Variants in PREP observed in about 807,000 individuals in gnomAD.
PREP encodes prolyl endopeptidase.
A neutral mutation model predicts 87.6 loss-of-function variants in PREP; 29 were observed. The observed-to-expected ratio is 0.33, with a 90% CI of 0.25 to 0.45. The LOEUF (loss-of-function observed/expected upper bound fraction) is 0.45. Among genes scored for constraint, PREP ranks in the 20% least tolerant of loss-of-function variants. The probability of loss-of-function intolerance (pLI) is 1.00; values close to 1 mark genes in which losing one functional copy is unlikely to be tolerated. For synonymous variants in PREP, 337 were observed against 328.6 expected (o/e 1.03, Z -0.28); for missense variants, 695 against 886.5 (o/e 0.78, Z 2.74).
intron 10 of PREP, chr6:105,298,676 T>C (rs544759616): frequency 1.3e-5 from 2 of 154,204 alleles, no homozygotes; most frequent in East Asian, 3.8e-4. Flanking sequence ...GGACATCTAG[T>C]CCACAGGGAG....
chr6:105,359,819 T>C (rs1300789082), intron 6 of PREP, among the ~76,000 whole-genome samples: 1 of 152,192 alleles, frequency 6.6e-6, no homozygotes, highest in Non-Finnish European at 1.5e-5. Context: ...AGGGCTCACC[T>C]AGCTTGAGGG....
intron 7 of PREP, among the ~76,000 whole-genome samples, chr6:105,345,961 C>T (rs966914866): frequency 1.3e-5 from 2 of 152,036 alleles, no homozygotes; most frequent in Non-Finnish European, 2.9e-5. Context: ...AAAAGTAAAC[C>T]GAACATTTTA....
intron 7 of PREP, among the ~76,000 whole-genome samples, chr6:105,346,155 G>C (rs886500484): frequency 6.7e-5 from 10 of 150,268 alleles, no homozygotes; most frequent in Non-Finnish European, 1.2e-4. Flanking sequence ...TCCTCAGAGA[G>C]GTTTGCTTTT....
intron 11 of PREP, among the ~76,000 whole-genome samples, chr6:105,287,933 G>A (rs3800001): frequency 0.063 from 9,664 of 152,262 alleles, 427 homozygotes; most frequent in Admixed American, 0.12. Flanking sequence ...CTCCCTGAAC[G>A]TAATTATCTG....
intron 10 of PREP, chr6:105,323,149 A>G (rs1331812182): frequency 7.8e-7 from 1 of 1,288,616 alleles, no homozygotes; most frequent in South Asian, 1.2e-5. Flanking sequence ...ACCTGAAAAG[A>G]TGGTGGCCAA....
At chr6:105,283,259 C>T (rs1212161510) in intron 12 of PREP, among the ~76,000 whole-genome samples, 3 of 152,342 alleles carry the variant, frequency 2.0e-5, no homozygotes, top group East Asian at 1.9e-4. Flanking sequence ...CCCAGAGAAT[C>T]TGGGCTTTAT....
At chr6:105,360,786 G>A (rs1245663372) in intron 6 of PREP, among the ~76,000 whole-genome samples, 1 of 152,176 alleles carries the variant, frequency 6.6e-6, no homozygotes, top group Non-Finnish European at 1.5e-5. Context: ...AGGGAATCTA[G>A]TCCCAAATAA....
chr6:105,282,838 C>G (rs2114611436), intron 12 of PREP, among the ~76,000 whole-genome samples: 1 of 152,228 alleles, frequency 6.6e-6, no homozygotes, highest in East Asian at 1.9e-4. Context: ...CGGGAAATGC[C>G]CCAAAGGGAA....
intron 10 of PREP, among the ~76,000 whole-genome samples, chr6:105,300,280 A>G (rs748525387): frequency 3.3e-5 from 5 of 152,168 alleles, no homozygotes; most frequent in Non-Finnish European, 5.9e-5. Flanking sequence ...TGCTGTTACT[A>G]TTTTAGCAAA....
chr6:105,332,929 C>A (rs556031719), intron 8 of PREP, among the ~76,000 whole-genome samples: 122 of 152,222 alleles, frequency 8.0e-4, no homozygotes, highest in African/African-American at 2.8e-3. Context: ...AGGGATAATG[C>A]AAATAGCCAA....
intron 6 of PREP, among the ~76,000 whole-genome samples, chr6:105,356,722 T>G (rs999696016): frequency 3.9e-5 from 6 of 152,314 alleles, no homozygotes; most frequent in African/African-American, 1.4e-4. Flanking sequence ...AGCCTATTGA[T>G]CAATATCTGA....
At chr6:105,305,470 A>G (rs1027768078) in intron 10 of PREP, among the ~76,000 whole-genome samples, 5 of 152,166 alleles carry the variant, frequency 3.3e-5, no homozygotes, top group Non-Finnish European at 7.4e-5. Context: ...GTGGTCAATT[A>G]GAAGAGACTG....
At chr6:105,279,556 A>C (rs1429414385) in intron 14 of PREP, among the ~76,000 whole-genome samples, 1 of 152,194 alleles carries the variant, frequency 6.6e-6, no homozygotes, top group Non-Finnish European at 1.5e-5. Flanking sequence ...CAGCCATTCA[A>C]ACTTGGAGCT....
At chr6:105,394,077 T>C (rs11758609) in intron 2 of PREP, among the ~76,000 whole-genome samples, 33,590 of 152,062 alleles carry the variant, frequency 0.22, 5,538 homozygotes, top group African/African-American at 0.47. Flanking sequence ...CAACTTTTCT[T>C]GTAAATATAG....
At chr6:105,361,231 T>C (rs1772240753) in intron 6 of PREP, among the ~76,000 whole-genome samples, 3 of 152,152 alleles carry the variant, frequency 2.0e-5, no homozygotes, top group Admixed American at 2.0e-4. Context: ...AAACTCTCAA[T>C]AATTTAACTA....
In PREP at chr6:105,278,369, G is replaced by A. The variant is rs761426091; in HGVS notation, c.1908C>T (p.Leu636=). 1.9e-6 allele frequency: 3 copies of A among 1,614,078 alleles called. No homozygotes were observed. Among genetic ancestry groups the A allele is most frequent in the East Asian group, 4.5e-5 (2 of 44,900 alleles). The change falls in exon 15 of 15, where the codon CTC becomes CTT. Residue 636 remains leucine (L), a synonymous_variant. Coordinates refer to ENST00000652536, the MANE Select transcript of PREP (RefSeq NM_002726.5). The surrounding 1 kb of genome is among the most constrained non-coding windows in gnomAD (Gnocchi z 4.2). Reference sequence around the variant, plus strand: ...CCACGCGGTCATCATGGTCAGCAGTGAGGAGCAGCATGGACGGGTACTGGA... The same window carrying A: ...CCACGCGGTCATCATGGTCAGCAGTAAGGAGCAGCATGGACGGGTACTGGA... ...DDIQYPSMLL[L]TADHDDRVVP...
intron 8 of PREP, among the ~76,000 whole-genome samples, chr6:105,329,300 G>T (rs1771257769): frequency 6.6e-6 from 1 of 152,016 alleles, no homozygotes; most frequent in South Asian, 2.1e-4. Flanking sequence ...TTACAGGTGT[G>T]TGCCACCATG....
intron 2 of PREP, among the ~76,000 whole-genome samples, chr6:105,391,642 C>T (rs1163767697): frequency 6.6e-6 from 1 of 152,204 alleles, no homozygotes; most frequent in Non-Finnish European, 1.5e-5. Flanking sequence ...TCAACTATAT[C>T]AACAGGCATG....
chr6:105,378,495 G>T (rs188250461), intron 2 of PREP, among the ~76,000 whole-genome samples: 1 of 152,254 alleles, frequency 6.6e-6, no homozygotes, highest in African/African-American at 2.4e-5. Context: ...TGAAACAAGT[G>T]GCATTGCAGA....
Sources: allele counts gnomAD v4.1 joint callset (sites outside exome capture counted in the v4.1 genomes callset), GRCh38; gene constraint gnomAD v4.1.1; non-coding constraint Gnocchi (gnomAD v3.1); transcripts MANE v1.5; gene names NCBI Gene and HGNC (gene_info 2026-07-23, HGNC 2026-07-21).